The following AXIN1 variants were observed in gnomAD, a reference collection of about 807,000 sequenced individuals.
AXIN1 encodes the protein axin 1.
AXIN1 carries 30 observed loss-of-function variants against 76.4 expected under a neutral mutation model. That is an observed-to-expected ratio of 0.39 (90% CI 0.29 to 0.53). AXIN1 has a LOEUF of 0.53. Among genes scored for constraint, AXIN1 ranks in the 20% least tolerant of loss-of-function variants. The pLI is 0.66. For synonymous variants in AXIN1, 545 were observed against 501.4 expected, an observed-to-expected ratio of 1.09 and a Z score of -1.16; for missense variants, 1,140 against 1,198.8, an observed-to-expected ratio of 0.95 and a Z score of 0.72.
At chr16:342,532 T>C (rs1018033905) in intron 2 of AXIN1, among the ~76,000 whole-genome samples, 1 of 152,170 alleles carries the variant, frequency 6.6e-6, no homozygotes, top group African/African-American at 2.4e-5. Context: ...ACCCGCAGCC[T>C]TCCTTTGGAG....
intron 10 of AXIN1, 181 bp from the exon 11 acceptor site, chr16:288,429 G>A: frequency 1.1e-6 from 1 of 885,766 alleles, no homozygotes; most frequent in East Asian, 2.7e-5. Flanking sequence ...ACCACATGTG[G>A]GTGAAGTGGG....
rs2141706192 is a variant in AXIN1, at chr16:346,717, C to T, written c.309G>A (p.Arg103=). The T allele has an allele frequency of 1.3e-6, 2 of 1,582,684 alleles. No individual in the cohort carries two copies. The highest frequency in any genetic ancestry group is 1.7e-6 in the Non-Finnish European group (2 of 1,163,054). Residue 103 remains arginine (R), a synonymous_variant, in exon 2 of 11, where the codon AGG becomes AGA. Coordinates refer to ENST00000262320, the MANE Select transcript of AXIN1 (RefSeq NM_003502.4). ...LDDQDGISLF[R]TFLKQEGCAD... ...CACAGCCCTCCTGCTTCAGGAAAGT[C>T]CTGAACAGGCTTATCCCATCTTGGT...
At chr16:309,373 A>C (rs1050346226) in intron 4 of AXIN1, among the ~76,000 whole-genome samples, 2 of 152,210 alleles carry the variant, frequency 1.3e-5, no homozygotes, top group Non-Finnish European at 2.9e-5. Context: ...AAATAAGGAA[A>C]GATCATTAAT....
At chr16:288,918 T>C (rs2052470567) in intron 10 of AXIN1, among the ~76,000 whole-genome samples, 1 of 152,220 alleles carries the variant, frequency 6.6e-6, no homozygotes, top group South Asian at 2.1e-4. Flanking sequence ...GTCTGGCCTC[T>C]GTTTTCCCAC....
intron 2 of AXIN1, among the ~76,000 whole-genome samples, chr16:324,427 A>G (rs112059012): frequency 0.035 from 5,381 of 152,294 alleles, 347 homozygotes; most frequent in African/African-American, 0.12. Flanking sequence ...CAGGCCTCAC[A>G]GGCCCGCGGT....
At chr16:343,330 G>C (rs2053966417) in intron 2 of AXIN1, among the ~76,000 whole-genome samples, 1 of 152,180 alleles carries the variant, frequency 6.6e-6, no homozygotes, top group African/African-American at 2.4e-5. Context: ...GGAGGCACTG[G>C]GGTTCCAACA....
chr16:297,300 C>T (rs1017245695), intron 6 of AXIN1, 74 bp from the exon 7 acceptor site: 1 of 1,574,440 alleles, frequency 6.4e-7, no homozygotes, highest in African/African-American at 1.3e-5. Context: ...TCTGCGAGGC[C>T]CCCTCCTGGC....
rs550149070 is a variant in AXIN1 at position 334,909 on chromosome 16, G to A, written c.878+11239C>T. Among the ~76,000 whole-genome samples, 4 of 151,396 alleles carry A rather than the reference G, an allele frequency of 2.6e-5. No homozygotes were observed. In the South Asian group the frequency reaches 6.3e-4, roughly 24 times the overall value. On this transcript the variant is annotated intron_variant, in intron 2 of 10. Transcript: ENST00000262320. ...CACTAATTACACACCACTCACTAGA[G>A]AGAAACACTCTGAGGCAGAAATAGA...
At chr16:347,269 A>T (rs12599449) in intron 1 of AXIN1, among the ~76,000 whole-genome samples, 163 bp from the exon 2 acceptor site, 17,417 of 151,796 alleles carry the variant, frequency 0.11, 1,302 homozygotes, top group South Asian at 0.23. Context: ...CCACAAGCAT[A>T]GTTCTACTTT....
intron 10 of AXIN1, 102 bp downstream of exon 10, chr16:289,338 T>C: frequency 3.4e-6 from 5 of 1,478,454 alleles, no homozygotes; most frequent in Non-Finnish European, 4.6e-6. Flanking sequence ...AGTGCCAGGA[T>C]TAGGACGTGA....
rs2141486513 is a variant in AXIN1, at chr16:293,641, T to G, written c.2033A>C (p.Gln678Pro). ...LSLEHPWAGP[Q>P]LRTSVQPSHL... ...GGAGGGCTGCACGGAGGTCCGGAGC[T>G]GAGGGCCGGCCCAGGGGTGCTCAAG... The change falls in exon 8 of 11, where the codon CAG becomes CCG. Residue 678 changes from glutamine to proline, a missense_variant. Gln to Pro is a moderately conservative substitution (Grantham distance 76). Coordinates refer to ENST00000262320, the MANE Select transcript of AXIN1 (RefSeq NM_003502.4). This position sits in a 1 kb window ranked among gnomAD's most constrained non-coding sequence, Gnocchi z 4.6. The G allele has an allele frequency of 6.2e-7, 1 of 1,613,566 alleles. No individual in the cohort carries two copies. Among genetic ancestry groups the G allele is most frequent in the Non-Finnish European group, 8.5e-7 (1 of 1,179,980 alleles).
intron 2 of AXIN1, among the ~76,000 whole-genome samples, chr16:322,662 T>A (rs1039781283): frequency 1.5e-4 from 23 of 152,210 alleles, no homozygotes; most frequent in South Asian, 4.1e-4. Context: ...TCCAGCCACC[T>A]GAGTCCCACA....
intron 2 of AXIN1, among the ~76,000 whole-genome samples, chr16:333,614 C>T (rs1035289046): frequency 6.6e-6 from 1 of 151,938 alleles, no homozygotes; most frequent in Non-Finnish European, 1.5e-5. Flanking sequence ...CCATCCACAC[C>T]GTATGAAGAG....
At chr16:347,667 C>T (rs138446434) in intron 1 of AXIN1, among the ~76,000 whole-genome samples, 1 of 152,240 alleles carries the variant, frequency 6.6e-6, no homozygotes, top group African/African-American at 2.4e-5. Context: ...TGCTGCATCA[C>T]GTCACGCGTG....
chr16:325,308 G>C (rs1268480620), intron 2 of AXIN1, among the ~76,000 whole-genome samples: 1 of 67,504 alleles, frequency 1.5e-5, no homozygotes, highest in Non-Finnish European at 2.8e-5. Context: ...AGTGCCCCCC[G>C]CTGCTCCGGC....
chr16:288,769 C>G lies in AXIN1; in HGVS notation c.2463-521G>C, dbSNP rs577046029. 5.5e-4 allele frequency among the ~76,000 whole-genome samples: 84 copies of G among 152,378 alleles called. No homozygotes were observed. The Middle Eastern group carries it at 0.014, about 25-fold the overall frequency. On this transcript the variant is annotated intron_variant, in intron 10 of 10. Coordinates refer to ENST00000262320, the MANE Select transcript of AXIN1 (RefSeq NM_003502.4). ...TGGCTGCACGCAGGGCCCTGCAGGG[C>G]TGAGTGGCCCAGGGCGAATGAACCT...
rs1005268873 is a variant in AXIN1, at chr16:287,821, G to A, written c.*301C>T. ...AGCACACGTGCCCAAGGGAGGTGCCGGGGGATGGGGGGGGGTCACCTGAAG... is the reference window on the plus strand; with the variant it reads ...AGCACACGTGCCCAAGGGAGGTGCCAGGGGATGGGGGGGGGTCACCTGAAG... On this transcript the variant is annotated 3_prime_UTR_variant, in exon 11 of 11. Coordinates refer to ENST00000262320, the MANE Select transcript of AXIN1 (RefSeq NM_003502.4). The A allele has an allele frequency of 8.3e-5, 42 of 504,772 alleles. No homozygotes were observed. The highest frequency in any genetic ancestry group is 7.9e-4 in the East Asian group (23 of 29,298). 31.3% of individuals were successfully genotyped at this position (504,772 alleles called of 1,614,324 possible).
intron 2 of AXIN1, among the ~76,000 whole-genome samples, chr16:342,108 A>G (rs376232839): frequency 0.066 from 9,837 of 149,592 alleles, 220 homozygotes; most frequent in Middle Eastern, 0.075. Flanking sequence ...CATAGTGTGG[A>G]AGCTTTGTTC....
intron 2 of AXIN1, among the ~76,000 whole-genome samples, chr16:320,704 T>C (rs1035428294): frequency 2.0e-4 from 29 of 148,458 alleles, no homozygotes; most frequent in African/African-American, 6.9e-4. Context: ...TATATATGCA[T>C]ACGTATATGC....
Sources: allele counts gnomAD v4.1 joint callset (sites outside exome capture counted in the v4.1 genomes callset), GRCh38; gene constraint gnomAD v4.1.1; non-coding constraint Gnocchi (gnomAD v3.1); transcripts MANE v1.5; gene names NCBI Gene and HGNC (gene_info 2026-07-23, HGNC 2026-07-21).